The following DAB1 variants were observed in gnomAD, a reference collection of about 807,000 sequenced individuals.
The protein encoded by DAB1 is DAB adaptor protein 1, also known as disabled homolog 1.
Under a neutral mutation model 64.6 loss-of-function variants are expected in DAB1, and 15 were observed. That is an observed-to-expected ratio of 0.23 (90% CI 0.16 to 0.36). The LOEUF (loss-of-function observed/expected upper bound fraction) is 0.36. Among genes scored for constraint, DAB1 ranks in the 10% least tolerant of loss-of-function variants. The pLI, the probability that DAB1 is intolerant of heterozygous loss-of-function variation, is 1.00. For synonymous variants in DAB1, 235 were observed against 251.9 expected (o/e 0.93, Z 0.64); for missense variants, 596 against 706.7 (o/e 0.84, Z 1.78).
intron 2 of DAB1, among the ~76,000 whole-genome samples, chr1:57,198,649 T>TCTCTCTCTCTCTCA (rs1477522407): frequency 0.016 from 2,029 of 128,226 alleles, 32 homozygotes; most frequent in African/African-American, 0.034. Context: ...CTTCTCTCTC[T>TCTCTCTCTCTCTCA]CACACACACA....
intron 6 of DAB1, among the ~76,000 whole-genome samples, chr1:57,775,144 C>A (rs1024616343): frequency 6.6e-6 from 1 of 151,204 alleles, no homozygotes; most frequent in African/African-American, 2.4e-5. Flanking sequence ...GAATTTATGT[C>A]TTTTCCTCTT....
At chr1:57,034,748 C>T (rs1189485735) in intron 9 of DAB1, among the ~76,000 whole-genome samples, 2 of 152,112 alleles carry the variant, frequency 1.3e-5, no homozygotes, top group African/African-American at 4.8e-5. Context: ...CTAATATGGA[C>T]ATTAAAATGG....
At chr1:57,847,961 CT>C (rs1410268801) in intron 1 of DAB1, among the ~76,000 whole-genome samples, 1 of 152,106 alleles carries the variant, frequency 6.6e-6, no homozygotes, top group Non-Finnish European at 1.5e-5. Context: ...ATTATTATCC[CT>C]GTATTAAAGA....
intron 4 of DAB1, among the ~76,000 whole-genome samples, chr1:57,088,839 C>T (rs892916368): frequency 6.6e-6 from 1 of 152,212 alleles, no homozygotes; most frequent in Non-Finnish European, 1.5e-5. Context: ...ACCACACAGG[C>T]GATAATCATC....
intron 5 of DAB1, among the ~76,000 whole-genome samples, chr1:58,013,287 T>C (rs1646694538): frequency 6.6e-6 from 1 of 152,182 alleles, no homozygotes; most frequent in East Asian, 1.9e-4. Flanking sequence ...AAAGTGGGCA[T>C]GAGAACTCCC....
intron 5 of DAB1, among the ~76,000 whole-genome samples, chr1:57,944,017 T>C (rs1167603204): frequency 6.6e-6 from 1 of 152,146 alleles, no homozygotes; most frequent in African/African-American, 2.4e-5. Context: ...AGTAGTTCTC[T>C]CTAAAACACA....
chr1:57,402,782 A>C (rs1558317617), intron 1 of DAB1, among the ~76,000 whole-genome samples: 1 of 152,232 alleles, frequency 6.6e-6, no homozygotes, highest in Non-Finnish European at 1.5e-5. Context: ...GAGCAAGACC[A>C]GACAGAATCC....
intron 7 of DAB1, among the ~76,000 whole-genome samples, chr1:57,565,533 C>T (rs1645107877): frequency 2.6e-5 from 4 of 152,160 alleles, no homozygotes; most frequent in African/African-American, 7.2e-5. Flanking sequence ...AGACCCATCT[C>T]ACGTGCAGAG....
chr1:57,742,999 G>A (rs574974152), intron 6 of DAB1, among the ~76,000 whole-genome samples: 1 of 152,274 alleles, frequency 6.6e-6, no homozygotes, highest in South Asian at 2.1e-4. Flanking sequence ...AATTATTGAT[G>A]TAGACATCGG....
chr1:57,808,802 A>G (rs1651484987), intron 6 of DAB1, among the ~76,000 whole-genome samples: 1 of 152,194 alleles, frequency 6.6e-6, no homozygotes. Context: ...GGGACAAAGA[A>G]GTCATAGAAT....
chr1:57,162,262 G>C (rs562670553), intron 2 of DAB1, among the ~76,000 whole-genome samples: 1 of 152,262 alleles, frequency 6.6e-6, no homozygotes, highest in Non-Finnish European at 1.5e-5. Flanking sequence ...GTCTTGCTTT[G>C]GGAGAAGCAC....
At chr1:57,624,472 C>T (rs1031567514) in intron 7 of DAB1, among the ~76,000 whole-genome samples, 1 of 152,090 alleles carries the variant, frequency 6.6e-6, no homozygotes. Context: ...TTAAGAGCTC[C>T]GTGGATCATA....
chr1:57,972,446 T>TG (rs1457082967), intron 5 of DAB1, among the ~76,000 whole-genome samples: 2 of 152,236 alleles, frequency 1.3e-5, no homozygotes, highest in East Asian at 3.9e-4. Flanking sequence ...TCTTGCTATG[T>TG]TGCCCAGGCT....
At chr1:58,247,266 CG>C (rs57854087) in intron 4 of DAB1, among the ~76,000 whole-genome samples, 62,065 of 146,628 alleles carry the variant, frequency 0.42, 14,143 homozygotes, top group Middle Eastern at 0.58. Flanking sequence ...TTTCCCCCCC[CG>C]CCAGGTTAAA....
chr1:57,685,834 C>A (rs1444003068), intron 6 of DAB1, among the ~76,000 whole-genome samples: 1 of 152,022 alleles, frequency 6.6e-6, no homozygotes, highest in Non-Finnish European at 1.5e-5. Context: ...AAAATTAAGG[C>A]AGAAATAAAA....
chr1:57,703,680 T>C (rs3131779), intron 6 of DAB1, among the ~76,000 whole-genome samples: 60,795 of 151,900 alleles, frequency 0.4, 12,865 homozygotes, highest in African/African-American at 0.55. Context: ...GCAATCCTAT[T>C]ACTGGTATAT....
intron 4 of DAB1, among the ~76,000 whole-genome samples, chr1:58,231,045 A>C (rs1365044517): frequency 6.6e-6 from 1 of 152,250 alleles, no homozygotes; most frequent in African/African-American, 2.4e-5. Flanking sequence ...TTATAGTGCC[A>C]ACTTCATAAG....
intron 6 of DAB1, among the ~76,000 whole-genome samples, chr1:57,707,251 A>G (rs915930803): frequency 2.0e-5 from 3 of 152,166 alleles, no homozygotes; most frequent in Non-Finnish European, 2.9e-5. Context: ...AAATGGAATC[A>G]CACATCACAC....
intron 5 of DAB1, among the ~76,000 whole-genome samples, chr1:58,140,284 C>T (rs753539344): frequency 6.6e-6 from 1 of 152,154 alleles, no homozygotes; most frequent in Non-Finnish European, 1.5e-5. Context: ...CAACTCTCTC[C>T]TTGGCACTGA....
Sources: gnomAD v4.1 joint callset for allele counts (sites outside exome capture counted in the v4.1 genomes callset) on GRCh38, gnomAD v4.1.1 for gene constraint, MANE v1.5 for transcripts, NCBI Gene and HGNC (gene_info 2026-07-23, HGNC 2026-07-21) for gene names.